The following PEX5L variants were observed in gnomAD, a reference collection of about 807,000 sequenced individuals.
PEX5L encodes the protein peroxisomal biogenesis factor 5 like, also known as PEX5-related protein.
A neutral mutation model predicts 84.0 loss-of-function variants in PEX5L; 30 were observed. That is an observed-to-expected ratio of 0.36 (90% CI 0.27 to 0.48). The LOEUF is 0.48. Among genes scored for constraint, PEX5L ranks in the 20% least tolerant of loss-of-function variants. The probability of loss-of-function intolerance (pLI) is 0.99; values close to 1 mark genes in which losing one functional copy is unlikely to be tolerated. For missense variants in PEX5L, 533 were observed against 754.6 expected (o/e 0.71, Z 3.44); for synonymous variants, 270 against 283.1 (o/e 0.95, Z 0.46).
chr3:179,933,341 A>C (rs1004798817), intron 2 of PEX5L, among the ~76,000 whole-genome samples: 14 of 152,206 alleles, frequency 9.2e-5, no homozygotes, highest in Non-Finnish European at 1.8e-4. Context: ...TTCTGTGCCA[A>C]AGCTATCATC....
intron 1 of PEX5L, among the ~76,000 whole-genome samples, chr3:180,032,021 G>A (rs1791511046): frequency 2.0e-5 from 3 of 152,014 alleles, no homozygotes; most frequent in African/African-American, 7.3e-5. Flanking sequence ...TAAACTATTG[G>A]CCAGTATGGC....
chr3:179,871,299 C>T (rs1004095764), intron 7 of PEX5L, among the ~76,000 whole-genome samples: 24 of 151,966 alleles, frequency 1.6e-4, no homozygotes, highest in African/African-American at 5.6e-4. Flanking sequence ...GATGGGGTTT[C>T]ACCATGTTAC....
At chr3:179,864,534 G>A (rs1191833365) in intron 7 of PEX5L, among the ~76,000 whole-genome samples, 1 of 152,094 alleles carries the variant, frequency 6.6e-6, no homozygotes, top group Non-Finnish European at 1.5e-5. Context: ...GGAGGTGAAG[G>A]TTGAGGGGTT....
Position 179,799,516 on chromosome 3 carries a change from T to A in PEX5L, c.*2312A>T, listed in dbSNP as rs1718233974. On this transcript the variant is annotated 3_prime_UTR_variant, in exon 15 of 15. Transcript: ENST00000467460. ...TGCCACCATTTAGCAACAAATTAATTATTTGACATTTATACTAGTTTCAGG... is the reference window on the plus strand; with the variant it reads ...TGCCACCATTTAGCAACAAATTAATAATTTGACATTTATACTAGTTTCAGG... 6.6e-6 allele frequency: 1 copy of A among 152,202 alleles called. No individual in the cohort carries two copies. Among genetic ancestry groups the A allele is most frequent in the South Asian group, 2.1e-4 (1 of 4,826 alleles). 9.4% of individuals were successfully genotyped at this position (152,202 alleles called of 1,614,324 possible).
chr3:180,016,511 G>C (rs1019785042), intron 1 of PEX5L, among the ~76,000 whole-genome samples: 1 of 152,082 alleles, frequency 6.6e-6, no homozygotes, highest in Non-Finnish European at 1.5e-5. Context: ...AATATACCTG[G>C]TTCAATTATC....
intron 2 of PEX5L, among the ~76,000 whole-genome samples, chr3:179,901,391 A>C (rs1477551706): frequency 2.0e-5 from 3 of 152,232 alleles, no homozygotes; most frequent in Admixed American, 6.5e-5. Context: ...ATGTGAGACA[A>C]CATGAAGACA....
chr3:179,886,389 G>A (rs1297209144), intron 4 of PEX5L, among the ~76,000 whole-genome samples: 1 of 152,026 alleles, frequency 6.6e-6, no homozygotes, highest in Non-Finnish European at 1.5e-5. Context: ...GAAAATGATT[G>A]CTGTGGTGTG....
intron 1 of PEX5L, among the ~76,000 whole-genome samples, chr3:179,984,249 G>C (rs1265523009): frequency 1.3e-5 from 2 of 151,984 alleles, no homozygotes; most frequent in Non-Finnish European, 2.9e-5. Context: ...TACTGCAAAA[G>C]ATTAAATGCA....
At chr3:179,990,292 A>G (rs1468687008) in intron 1 of PEX5L, among the ~76,000 whole-genome samples, 1 of 152,214 alleles carries the variant, frequency 6.6e-6, no homozygotes, top group Non-Finnish European at 1.5e-5. Context: ...TGCACTAGAG[A>G]AAAGATCTTG....
chr3:179,982,543 A>G (rs1415470179), intron 1 of PEX5L, among the ~76,000 whole-genome samples: 1 of 152,184 alleles, frequency 6.6e-6, no homozygotes, highest in Non-Finnish European at 1.5e-5. Context: ...TTTCTTGAAC[A>G]ATGCAGACCA....
chr3:179,865,949 T>C (rs1402822064), intron 7 of PEX5L, among the ~76,000 whole-genome samples: 6 of 152,172 alleles, frequency 3.9e-5, no homozygotes, highest in Non-Finnish European at 7.4e-5. Context: ...GCATTTCTTT[T>C]CTCCTTTGCA....
chr3:180,009,938 T>TTTTATTTA (rs368519760), intron 1 of PEX5L, among the ~76,000 whole-genome samples: 6 of 151,962 alleles, frequency 3.9e-5, no homozygotes, highest in African/African-American at 1.2e-4. Flanking sequence ...GTGTAAAGAC[T>TTTTATTTA]TTTATTTATT....
At chr3:179,896,374 T>C (rs1759293738) in intron 3 of PEX5L, among the ~76,000 whole-genome samples, 1 of 152,104 alleles carries the variant, frequency 6.6e-6, no homozygotes, top group South Asian at 2.1e-4. Flanking sequence ...GTAATCTTCA[T>C]GCAGTAAAGT....
rs10576558 is a variant in PEX5L, at chr3:179,954,204, C to T, written c.93+17390G>A. On this transcript the variant is annotated intron_variant, in intron 2 of 14. Transcript: ENST00000467460. ...ACAAGCCCAGAAATTAACCATTAGTCGGGGGGGGGGGAAAAAGTCAGCCAT... is the reference window on the plus strand; with the variant it reads ...ACAAGCCCAGAAATTAACCATTAGTTGGGGGGGGGGGAAAAAGTCAGCCAT... Among the ~76,000 whole-genome samples the T allele has an allele frequency of 1.3e-4, 12 of 89,580 alleles. No individual in the cohort carries two copies. In the East Asian group the frequency reaches 2.9e-3, roughly 22 times the overall value. The allele number at this position is 89,580 out of a possible 152,430, so 58.8% of individuals were successfully genotyped here. A position where few individuals can be genotyped will look rare whatever the true frequency, so the allele number is the denominator to read the frequency against.
intron 5 of PEX5L, among the ~76,000 whole-genome samples, chr3:179,879,371 A>T (rs548097215): frequency 6.6e-6 from 1 of 152,326 alleles, no homozygotes; most frequent in African/African-American, 2.4e-5. Flanking sequence ...ATCTTGGGCA[A>T]ATTGCTTAAA....
intron 1 of PEX5L, among the ~76,000 whole-genome samples, chr3:179,972,701 T>G (rs1445682727): frequency 6.6e-6 from 1 of 152,194 alleles, no homozygotes; most frequent in East Asian, 1.9e-4. Flanking sequence ...TATCCTTCAG[T>G]GAACATGATA....
At chr3:179,995,982 C>T (rs1464235712) in intron 1 of PEX5L, among the ~76,000 whole-genome samples, 5 of 152,170 alleles carry the variant, frequency 3.3e-5, no homozygotes, top group African/African-American at 1.2e-4. Flanking sequence ...TCCCCATTCC[C>T]GTAAAGTGGC....
At chr3:180,031,641 A>G (rs1791478910) in intron 1 of PEX5L, among the ~76,000 whole-genome samples, 1 of 152,220 alleles carries the variant, frequency 6.6e-6, no homozygotes, top group Admixed American at 6.5e-5. Context: ...AGAATTGCAC[A>G]CTGGTTATCC....
chr3:179,913,229 T>TGG (rs1765801052), intron 2 of PEX5L, among the ~76,000 whole-genome samples: 1 of 152,148 alleles, frequency 6.6e-6, no homozygotes, highest in Admixed American at 6.6e-5. Context: ...CAGCTGATTT[T>TGG]CTCAGAATGT....
Sources: gnomAD v4.1 joint callset for allele counts (sites outside exome capture counted in the v4.1 genomes callset) on GRCh38, gnomAD v4.1.1 for gene constraint, MANE v1.5 for transcripts, NCBI Gene and HGNC (gene_info 2026-07-23, HGNC 2026-07-21) for gene names.